FAT1: variants seen among roughly 807,000 people sequenced by gnomAD.
FAT1 encodes the protein protocadherin Fat 1.
A neutral mutation model predicts 329.8 loss-of-function variants in FAT1; 171 were observed. That is an observed-to-expected ratio of 0.52 (90% CI 0.46 to 0.59). The LOEUF (loss-of-function observed/expected upper bound fraction) is 0.59, where lower values mean the gene tolerates loss of function less well. Among genes scored for constraint, FAT1 ranks in the 20% least tolerant of loss-of-function variants. FAT1 has a pLI of 0.00. For missense variants in FAT1, 5,672 were observed against 5,774.4 expected, an observed-to-expected ratio of 0.98 and a Z score of 0.57; for synonymous variants, 2,233 against 2,228.6, an observed-to-expected ratio of 1.00 and a Z score of -0.06.
rs779642301 is a variant in FAT1, at chr4:186,613,319, G to C, written c.9253C>G (p.Leu3085Val). 2 of 1,613,626 alleles carry C rather than the reference G, an allele frequency of 1.2e-6. No individual in the cohort carries two copies. Among genetic ancestry groups the C allele is most frequent in the African/African-American group, 2.7e-5 (2 of 74,934 alleles). ...TAAACAGCTTGCTCCTCACGATCAA[G>C]GGGGGTTGACGTTTTCAGTTCACCT... The part of the protein sequence containing the change: ...DTGELKTSTP[L>V]DREEQAVYHL... Residue 3085 changes from leucine (L) to valine (V), a missense_variant, in exon 13 of 27, where the codon CTT becomes GTT. Transcript: ENST00000441802.
chr4:186,612,330 T>G (rs1258609777), intron 13 of FAT1, among the ~76,000 whole-genome samples: 2 of 152,136 alleles, frequency 1.3e-5, no homozygotes, highest in African/African-American at 4.8e-5. Context: ...AAATCACATC[T>G]GTTTATCATT....
chr4:186,667,204 G>A (rs1257892826), intron 2 of FAT1, among the ~76,000 whole-genome samples: 1 of 152,132 alleles, frequency 6.6e-6, no homozygotes, highest in Non-Finnish European at 1.5e-5. Flanking sequence ...TCTAGTTCGG[G>A]CCGTAAGCGT....
intron 3 of FAT1, among the ~76,000 whole-genome samples, chr4:186,643,169 C>A (rs550677088): frequency 9.9e-5 from 15 of 152,244 alleles, no homozygotes; most frequent in African/African-American, 3.6e-4. Context: ...CAGGGTACGG[C>A]AGCCCCCAGG....
rs373810205 is a variant in FAT1 at position 186,603,580 on chromosome 4, T to G, written c.10946A>C (p.Asn3649Thr). Residue 3649 changes from asparagine to threonine, a missense_variant, in exon 19 of 27, where the codon AAC becomes ACC. Coordinates refer to ENST00000441802, the MANE Select transcript of FAT1 (RefSeq NM_005245.4). ...ACCAACGAATTCTTCCGGAGTGAGG[T>G]TGGCAAAGCGGATCGCGATGGTGTG... is the stretch of plus-strand genomic sequence containing the variant. ...LNHTIAIRFA[N>T]LTPEEFVGDY... 6.2e-7 allele frequency: 1 copy of G among 1,613,968 alleles called. No individual in the cohort carries two copies. The highest frequency in any genetic ancestry group is 8.5e-7 in the Non-Finnish European group (1 of 1,179,896).
intron 3 of FAT1, among the ~76,000 whole-genome samples, chr4:186,651,082 A>G (rs1030668749): frequency 1.4e-5 from 1 of 72,170 alleles, no homozygotes; most frequent in Non-Finnish European, 2.8e-5. Context: ...TAATTGATAA[A>G]TTATTTGATG....
intron 4 of FAT1, among the ~76,000 whole-genome samples, chr4:186,637,927 T>C (rs1378377572): frequency 3.9e-5 from 6 of 152,248 alleles, no homozygotes; most frequent in African/African-American, 1.4e-4. Context: ...AATAAAACAT[T>C]ACTATTTTAA....
At chr4:186,719,306 A>G (rs1745360176) in intron 1 of FAT1, among the ~76,000 whole-genome samples, 3 of 152,174 alleles carry the variant, frequency 2.0e-5, no homozygotes, top group South Asian at 4.1e-4. Flanking sequence ...TTCACTATAT[A>G]AGAGTTCTGC....
At chr4:186,679,086 A>G (rs536042126) in intron 2 of FAT1, among the ~76,000 whole-genome samples, 1 of 152,286 alleles carries the variant, frequency 6.6e-6, no homozygotes, top group South Asian at 2.1e-4. Flanking sequence ...TGTTTAAAAA[A>G]ATATTTAGGC....
intron 26 of FAT1, among the ~76,000 whole-genome samples, chr4:186,591,064 C>A (rs1738218478): frequency 6.6e-6 from 1 of 152,236 alleles, no homozygotes. Flanking sequence ...GGAAGTGTAA[C>A]CAAACGCATG....
In FAT1 at chr4:186,620,862, T is replaced by A. The variant is rs751859382; in HGVS notation, c.5724A>T (p.Ser1908=). 1.9e-5 allele frequency: 30 copies of A among 1,613,906 alleles called. No individual in the cohort carries two copies. The Admixed American group carries it at 5.0e-4, about 27-fold the overall frequency. The change falls in exon 10 of 27, where the codon TCA becomes TCT. Residue 1908 remains serine (S), a synonymous_variant. Transcript: ENST00000441802. The part of the protein sequence containing the change: ...VITVNATDAD[S]SAFSQLIYSI... ...AGTAAATCAACTGTGAGAATGCACT[T>A]GAATCAGCATCTGTAGCATTTACTG...
At chr4:186,670,278 C>G (rs1330007395) in intron 2 of FAT1, among the ~76,000 whole-genome samples, 1 of 152,184 alleles carries the variant, frequency 6.6e-6, no homozygotes. Context: ...ATGTTTTAAA[C>G]TTTTCATACA....
rs2126526247 is a variant in FAT1, at chr4:186,621,538, C to A, written c.5048G>T (p.Gly1683Val). 1 of 1,613,942 alleles carries A rather than the reference C, an allele frequency of 6.2e-7. No individual in the cohort carries two copies. The highest frequency in any genetic ancestry group is 8.5e-7 in the Non-Finnish European group (1 of 1,179,864). ...SVELSETVSI[G>V]SFVGMVTAHS... ...GGCTGTAACCATCCCAACGAAACTCCCAATGCTGACAGTTTCACTAAGTTC... is the reference window on the plus strand; with the variant it reads ...GGCTGTAACCATCCCAACGAAACTCACAATGCTGACAGTTTCACTAAGTTC... The change falls in exon 10 of 27, where the codon GGG (glycine) becomes GTG (valine). Residue 1683 changes from glycine to valine, a missense_variant. By Grantham distance (109) the Gly-to-Val change is moderately radical. Coordinates refer to ENST00000441802, the MANE Select transcript of FAT1 (RefSeq NM_005245.4).
chr4:186,653,460 C>T (rs1560968542), intron 3 of FAT1, among the ~76,000 whole-genome samples: 2 of 152,188 alleles, frequency 1.3e-5, no homozygotes, highest in Middle Eastern at 3.4e-3. Context: ...CTTAGAGCAA[C>T]GGGAGGGATT....
Position 186,603,535 on chromosome 4 carries a change from TG to T in FAT1, c.10990del (p.Gln3664SerfsTer10). On this transcript the variant is annotated frameshift_variant, in exon 19 of 27. Transcript: ENST00000441802. LOFTEE classifies it high-confidence loss of function. Reference sequence around the variant, plus strand: ...ACCCAGGATGTTCCGTAAAGCTCGCTGGAAGTTGCGCCAGTAGTCACCAACG... The same window carrying T: ...ACCCAGGATGTTCCGTAAAGCTCGCTGAAGTTGCGCCAGTAGTCACCAACG... Reference protein sequence around the residue: ...EFVGDYWRNFQRALRNILGVR... With the variant: ...EFVGDYWRNFXRALRNILGVR... 1 of 1,613,996 alleles carries T rather than the reference TG, an allele frequency of 6.2e-7. No individual in the cohort carries two copies. Among genetic ancestry groups the T allele is most frequent in the Non-Finnish European group, 8.5e-7 (1 of 1,179,892 alleles).
intron 3 of FAT1, among the ~76,000 whole-genome samples, chr4:186,643,245 T>C (rs1051088270): frequency 2.6e-4 from 40 of 152,292 alleles, no homozygotes; most frequent in Non-Finnish European, 4.0e-4. Context: ...GAAGCTCTGC[T>C]GGACGGCACC....
chr4:186,596,239 T>C lies in FAT1; in HGVS notation c.13000+301A>G, dbSNP rs1333102428. The stretch of plus-strand genomic sequence containing the variant: ...CATGAAAATGCTCCCGATTATTTTT[T>C]TGACATATTAATAAACTCAAAAAAT... On this transcript the variant is annotated intron_variant, in intron 25 of 26. Coordinates refer to ENST00000441802, the MANE Select transcript of FAT1 (RefSeq NM_005245.4). The surrounding 1 kb of genome is among the most constrained non-coding windows in gnomAD (Gnocchi z 4.7). Among the ~76,000 whole-genome samples, 1 of 152,244 alleles carries C rather than the reference T, an allele frequency of 6.6e-6. No individual in the cohort carries two copies. The highest frequency in any genetic ancestry group is 2.4e-5 in the African/African-American group (1 of 41,466).
At chr4:186,670,296 A>C (rs1335864991) in intron 2 of FAT1, among the ~76,000 whole-genome samples, 5 of 152,222 alleles carry the variant, frequency 3.3e-5, no homozygotes, top group Non-Finnish European at 7.3e-5. Context: ...ACAACTGCTT[A>C]AGGCAGCAAT....
Position 186,628,719 on chromosome 4 carries a change from A to T in FAT1, c.4368T>A (p.Phe1456Leu), listed in dbSNP as rs2126545318. 1 of 1,613,872 alleles carries T rather than the reference A, an allele frequency of 6.2e-7. No individual in the cohort carries two copies. The change falls in exon 8 of 27, where the codon TTT becomes TTA. Residue 1456 changes from phenylalanine to leucine, a missense_variant. Phe to Leu is a conservative substitution (Grantham distance 22). Transcript: ENST00000441802. ...VIDTNDHRPQFSTSKYEVVIP... is the reference protein window; with the variant it reads ...VIDTNDHRPQLSTSKYEVVIP... Reference sequence around the variant, plus strand: ...TAACAACTTCATACTTTGATGTAGAAAACTGAGGACGATGGTCATTTGTGT... The same window carrying T: ...TAACAACTTCATACTTTGATGTAGATAACTGAGGACGATGGTCATTTGTGT...
At chr4:186,722,276 C>T (rs1015032345) in intron 1 of FAT1, among the ~76,000 whole-genome samples, 1 of 152,150 alleles carries the variant, frequency 6.6e-6, no homozygotes, top group African/African-American at 2.4e-5. Flanking sequence ...TTTATAAAGT[C>T]CTCTAACAAC....
Sources: allele counts gnomAD v4.1 joint callset (sites outside exome capture counted in the v4.1 genomes callset), GRCh38; gene constraint gnomAD v4.1.1; non-coding constraint Gnocchi (gnomAD v3.1); transcripts MANE v1.5; gene names NCBI Gene and HGNC (gene_info 2026-07-23, HGNC 2026-07-21).